The following EYS variants were observed in gnomAD, a reference collection of about 807,000 sequenced individuals.
EYS encodes protein eyes shut homolog.
EYS carries 250 observed loss-of-function variants against 282.1 expected under a neutral mutation model. The observed-to-expected ratio is 0.89, with a 90% CI of 0.80 to 0.98. The LOEUF (loss-of-function observed/expected upper bound fraction) is 0.98. Ranked by LOEUF, EYS falls within the 50% of genes least tolerant of loss-of-function variation. EYS has a pLI of 0.00. For missense variants in EYS, 4,016 were observed against 3,709.0 expected (o/e 1.08, Z -2.15); for synonymous variants, 1,355 against 1,282.9 (o/e 1.06, Z -1.20).
At chr6:65,365,036 TG>T (rs1278712863) in intron 8 of EYS, among the ~76,000 whole-genome samples, 1 of 151,624 alleles carries the variant, frequency 6.6e-6, no homozygotes, top group East Asian at 1.9e-4. Flanking sequence ...TGAGATAGAT[TG>T]CTTAAAAAAG....
chr6:64,415,203 C>G (rs549737423), intron 28 of EYS, among the ~76,000 whole-genome samples: 2 of 152,244 alleles, frequency 1.3e-5, no homozygotes, highest in East Asian at 3.9e-4. Context: ...CTGGTGGCAA[C>G]CTTGGTGGTG....
chr6:64,379,068 A>T (rs561045392), intron 29 of EYS, among the ~76,000 whole-genome samples: 3 of 152,268 alleles, frequency 2.0e-5, no homozygotes, highest in African/African-American at 7.2e-5. Flanking sequence ...TTTATGGATT[A>T]TGCTGAAAAT....
At position 64,964,898 on chromosome 6, in the gene EYS, T is replaced by C. The variant is rs968578209; in HGVS notation, c.2260-18984A>G. Among the ~76,000 whole-genome samples the C allele has an allele frequency of 2.6e-5, 4 of 151,910 alleles. No individual in the cohort carries two copies. The South Asian group carries it at 8.3e-4, about 32-fold the overall frequency. On this transcript the variant is annotated intron_variant, in intron 14 of 42. Transcript: ENST00000503581. ...AAATACAAAAGTTAGCCAGGTGTGG[T>C]GGCATACACCTGTAATCCCAGCCAC... is the stretch of plus-strand genomic sequence containing the variant.
chr6:65,286,484 T>G (rs1278522973), intron 12 of EYS, among the ~76,000 whole-genome samples: 2 of 151,732 alleles, frequency 1.3e-5, no homozygotes, highest in Admixed American at 1.3e-4. Flanking sequence ...CATTTCTACA[T>G]GTGTTGAATT....
At chr6:65,206,081 A>G (rs904369502) in intron 12 of EYS, among the ~76,000 whole-genome samples, 1 of 151,826 alleles carries the variant, frequency 6.6e-6, no homozygotes, top group Non-Finnish European at 1.5e-5. Context: ...GATACAAAAG[A>G]TCAACAAAAT....
intron 26 of EYS, among the ~76,000 whole-genome samples, chr6:64,532,011 T>C (rs1321058977): frequency 2.6e-5 from 4 of 152,118 alleles, no homozygotes; most frequent in Admixed American, 6.6e-5. Flanking sequence ...GTAAGACAAT[T>C]CTACCAGGCA....
At chr6:64,596,027 G>A (rs1766574017) in intron 24 of EYS, among the ~76,000 whole-genome samples, 1 of 152,070 alleles carries the variant, frequency 6.6e-6, no homozygotes, top group Non-Finnish European at 1.5e-5. Flanking sequence ...GACGAAGAGG[G>A]AGGAGGCACA....
At chr6:64,891,985 A>C (rs999495224) in intron 18 of EYS, among the ~76,000 whole-genome samples, 1 of 152,026 alleles carries the variant, frequency 6.6e-6, no homozygotes, top group Admixed American at 6.6e-5. Flanking sequence ...CATTGCCCTA[A>C]AATTTTTCAA....
At chr6:63,840,254 C>A (rs2348396) in intron 36 of EYS, among the ~76,000 whole-genome samples, 1 of 126,496 alleles carries the variant, frequency 7.9e-6, no homozygotes, top group Non-Finnish European at 1.7e-5. Flanking sequence ...TTAGTAGAGA[C>A]AGGGTTTCGC....
At chr6:64,892,909 T>C (rs779478903) in intron 18 of EYS, among the ~76,000 whole-genome samples, 4 of 152,088 alleles carry the variant, frequency 2.6e-5, no homozygotes, top group South Asian at 2.1e-4. Flanking sequence ...CAGTGAAGAA[T>C]TGCTAAACCC....
At chr6:64,065,714 T>G (rs1478321854) in intron 33 of EYS, among the ~76,000 whole-genome samples, 3 of 152,322 alleles carry the variant, frequency 2.0e-5, no homozygotes, top group African/African-American at 7.2e-5. Context: ...TAGTTTTAAC[T>G]GAACAACTTG....
intron 29 of EYS, among the ~76,000 whole-genome samples, chr6:64,336,524 G>A (rs924414310): frequency 2.6e-5 from 4 of 152,088 alleles, no homozygotes; most frequent in Admixed American, 2.6e-4. Context: ...CACAATAATT[G>A]TGGGGGACTT....
chr6:65,484,795 T>G lies in EYS; in HGVS notation c.862+5799A>C, dbSNP rs552931359. Among the ~76,000 whole-genome samples, 3 of 152,312 alleles carry G rather than the reference T, an allele frequency of 2.0e-5. No individual in the cohort carries two copies. In the South Asian group the frequency reaches 6.2e-4, roughly 32 times the overall value. On this transcript the variant is annotated intron_variant, in intron 5 of 42. Coordinates refer to ENST00000503581, the MANE Select transcript of EYS (RefSeq NM_001142800.2). ...TTCTTGCTATAGAGGTTTGGTCAAT[T>G]ATTGTGTGGTACAAAACAGTGGTCA... is the stretch of plus-strand genomic sequence containing the variant.
At chr6:64,106,206 G>A (rs1333003384) in intron 31 of EYS, among the ~76,000 whole-genome samples, 4 of 151,548 alleles carry the variant, frequency 2.6e-5, no homozygotes, top group Admixed American at 2.6e-4. Context: ...TCATTTCTTA[G>A]TATATCAATT....
intron 33 of EYS, among the ~76,000 whole-genome samples, chr6:64,061,850 T>G (rs1771182248): frequency 6.6e-6 from 1 of 151,470 alleles, no homozygotes; most frequent in Non-Finnish European, 1.5e-5. Context: ...GTTAGCCAGG[T>G]GTGGGGACGC....
At chr6:64,966,897 T>C (rs1349234854) in intron 14 of EYS, among the ~76,000 whole-genome samples, 3 of 152,174 alleles carry the variant, frequency 2.0e-5, no homozygotes, top group African/African-American at 7.2e-5. Context: ...CTCATCTCTT[T>C]AGTGGCCATC....
chr6:65,471,218 C>T (rs1162881700), intron 5 of EYS, among the ~76,000 whole-genome samples: 1 of 135,630 alleles, frequency 7.4e-6, no homozygotes, highest in Non-Finnish European at 1.6e-5. Context: ...CATAGTGAGA[C>T]CTCATCTTTA....
At chr6:64,154,267 C>A (rs143834344) in intron 31 of EYS, among the ~76,000 whole-genome samples, 63 of 151,874 alleles carry the variant, frequency 4.1e-4, no homozygotes, top group African/African-American at 1.4e-3. Flanking sequence ...ATGGAAAAAC[C>A]CTGTCTCTAC....
intron 29 of EYS, among the ~76,000 whole-genome samples, chr6:64,342,929 T>C (rs1053047309): frequency 7.2e-5 from 11 of 151,942 alleles, no homozygotes; most frequent in Non-Finnish European, 1.0e-4. Context: ...AAACAGACTT[T>C]AAACCAACAA....
Sources: gnomAD v4.1 joint callset for allele counts (sites outside exome capture counted in the v4.1 genomes callset) on GRCh38, gnomAD v4.1.1 for gene constraint, MANE v1.5 for transcripts, NCBI Gene and HGNC (gene_info 2026-07-23, HGNC 2026-07-21) for gene names.